The following GLYATL1 variants were observed in gnomAD, a reference collection of about 807,000 sequenced individuals.
The protein encoded by GLYATL1 is glycine-N-acyltransferase like 1, also known as glycine N-acyltransferase-like protein 1.
Under a neutral mutation model 20.0 loss-of-function variants are expected in GLYATL1, and 15 were observed. The observed-to-expected ratio is 0.75, with a 90% CI of 0.50 to 1.15. The LOEUF is 1.15. GLYATL1 is among the 50% of genes most tolerant of loss of function. GLYATL1 has a pLI of 0.00. For synonymous variants in GLYATL1, 151 were observed against 131.5 expected (o/e 1.15, Z -1.01); for missense variants, 380 against 368.5 (o/e 1.03, Z -0.26).
chr11:58,937,750 T>C (rs1466757521), upstream of GLYATL1, among the ~76,000 whole-genome samples: 1 of 152,204 alleles, frequency 6.6e-6, no homozygotes, highest in African/African-American at 2.4e-5. Context: ...TTTCAGATTT[T>C]ATGAATAGGT....
At chr11:58,954,605 C>T (rs146034907) in intron 4 of GLYATL1, among the ~76,000 whole-genome samples, 165 bp from the exon 5 acceptor site, 22 of 152,202 alleles carry the variant, frequency 1.4e-4, no homozygotes, top group South Asian at 8.3e-4. Flanking sequence ...AAGAGGTCAG[C>T]GGTAGCTTAT....
chr11:58,910,786 T>C (rs914891683), downstream of GLYATL1, among the ~76,000 whole-genome samples: 1 of 152,218 alleles, frequency 6.6e-6, no homozygotes, highest in African/African-American at 2.4e-5. Flanking sequence ...TGAAAGACTT[T>C]AACTTTTATT....
intron 1 of GLYATL1, among the ~76,000 whole-genome samples, chr11:58,920,543 G>T (rs1380826331): frequency 6.6e-6 from 1 of 152,022 alleles, no homozygotes; most frequent in Non-Finnish European, 1.5e-5. Context: ...TCAATGTCCG[G>T]GTCTCCGAGG....
chr11:58,948,235 G>A (rs1274604715), intron 4 of GLYATL1, among the ~76,000 whole-genome samples: 1 of 152,144 alleles, frequency 6.6e-6, no homozygotes, highest in African/African-American at 2.4e-5. Flanking sequence ...GAGGTGGCAG[G>A]GGTCACCTGC....
At chr11:58,932,603 C>T (rs558645772) in intron 1 of GLYATL1, among the ~76,000 whole-genome samples, 3 of 152,212 alleles carry the variant, frequency 2.0e-5, no homozygotes, top group South Asian at 4.1e-4. Flanking sequence ...TGTGCATAAG[C>T]AGTTGATTCT....
downstream of GLYATL1, among the ~76,000 whole-genome samples, chr11:58,908,981 T>C (rs1854975077): frequency 6.6e-6 from 1 of 152,186 alleles, no homozygotes; most frequent in African/African-American, 2.4e-5. Flanking sequence ...GTTGCAGAAA[T>C]AACGAACTTC....
chr11:58,954,718 A>T, intron 4 of GLYATL1, 52 bp from the exon 5 acceptor site: 1 of 1,502,204 alleles, frequency 6.7e-7, no homozygotes, highest in East Asian at 2.3e-5. Flanking sequence ...AACCAGTGAG[A>T]GGTGAAGAAA....
At chr11:58,926,514 G>A (rs1855432256), upstream of GLYATL1, among the ~76,000 whole-genome samples, 1 of 152,174 alleles carries the variant, frequency 6.6e-6, no homozygotes. Context: ...AGTAACCTGA[G>A]CTCTTTGAGT....
intron 1 of GLYATL1, 114 bp from the exon 2 acceptor site, chr11:58,943,429 C>T (rs1324725664): frequency 1.3e-6 from 2 of 1,527,540 alleles, no homozygotes; most frequent in Admixed American, 2.1e-5. Flanking sequence ...CACGAGGCAC[C>T]CCCGGAGCCT....
rs776658060 is a variant in GLYATL1, at chr11:58,955,201, G to A, written c.339G>A (p.Gly113=). The A allele has an allele frequency of 1.5e-5, 24 of 1,613,818 alleles. 1 individual carries two copies. In the South Asian group the frequency reaches 2.4e-4, roughly 16 times the overall value. The change falls in exon 6 of 7, where the codon GGG becomes GGA. Residue 113 remains glycine, a synonymous_variant. Coordinates refer to ENST00000532726, the MANE Select transcript of GLYATL1 (RefSeq NM_001389712.2). ...GTCTTCAAGAAAGTTTAGGTGAGGGGATAAGAGTGGCTACATTTTCAAAGT... is the reference window on the plus strand; with the variant it reads ...GTCTTCAAGAAAGTTTAGGTGAGGGAATAAGAGTGGCTACATTTTCAAAGT... ...IQGLQESLGE[G]IRVATFSKSV...
At chr11:58,916,219 C>T (rs1465745532) in intron 1 of GLYATL1, among the ~76,000 whole-genome samples, 1 of 152,184 alleles carries the variant, frequency 6.6e-6, no homozygotes, top group Non-Finnish European at 1.5e-5. Context: ...GGTGACTTTT[C>T]TGTAGTGCCT....
chr11:58,954,154 G>A (rs758641977), intron 4 of GLYATL1, among the ~76,000 whole-genome samples: 12 of 152,194 alleles, frequency 7.9e-5, no homozygotes, highest in African/African-American at 2.4e-4. Context: ...CCTGGACACC[G>A]TAGATTCTAG....
chr11:58,906,180 A>T (rs1340159044), intron 1 of GLYATL1, among the ~76,000 whole-genome samples: 1 of 152,172 alleles, frequency 6.6e-6, no homozygotes, highest in Non-Finnish European at 1.5e-5. Context: ...AGTAGACAGA[A>T]GGATCTCAGC....
In GLYATL1 at chr11:58,908,449, A is replaced by G. The variant is rs1355740359; in HGVS notation, n.1447A>G. 5 of 182,756 alleles carry G rather than the reference A, an allele frequency of 2.7e-5. No individual in the cohort carries two copies. The East Asian group carries it at 6.9e-4, about 25-fold the overall frequency. 11.3% of individuals were successfully genotyped at this position (182,756 alleles called of 1,614,324 possible). On this transcript the variant is annotated non_coding_transcript_exon_variant, in exon 2 of 2. Coordinates refer to the GLYATL1 transcript ENST00000524629. ...TTTTCCACTAGTAGAAGTTAGTTATATTGTCTTTGAACTCATCATGAATTC... is the reference window on the plus strand; with the variant it reads ...TTTTCCACTAGTAGAAGTTAGTTATGTTGTCTTTGAACTCATCATGAATTC...
At chr11:58,907,248 G>T (rs1184797665) in exon 2 of GLYATL1, 1 of 456,116 alleles carries the variant, frequency 2.2e-6, no homozygotes, top group East Asian at 6.9e-5. Flanking sequence ...CAGGTCACCC[G>T]CCAGGTTTGT....
In GLYATL1 at chr11:58,943,604, A is replaced by G; in HGVS notation, c.-105A>G. The G allele has an allele frequency of 6.2e-7, 1 of 1,613,636 alleles. No homozygotes were observed. The highest frequency in any genetic ancestry group is 8.5e-7 in the Non-Finnish European group (1 of 1,179,588). On this transcript the variant is annotated 5_prime_UTR_variant, in exon 2 of 7. Coordinates refer to ENST00000532726, the MANE Select transcript of GLYATL1 (RefSeq NM_001389712.2). ...GTATCCCCAGGAGCGCGAAGTGAAC[A>G]CGGAAGGTACCTGCAGGATCCAATT...
At chr11:58,949,233 C>T (rs1333949385) in intron 4 of GLYATL1, among the ~76,000 whole-genome samples, 1 of 152,102 alleles carries the variant, frequency 6.6e-6, no homozygotes, top group Non-Finnish European at 1.5e-5. Context: ...TAGGTGTAAA[C>T]GCTGAGCCCC....
chr11:58,928,902 G>C (rs72915178), intron 1 of GLYATL1, among the ~76,000 whole-genome samples: 1 of 152,170 alleles, frequency 6.6e-6, no homozygotes, highest in Non-Finnish European at 1.5e-5. Context: ...TGTCTCAAAG[G>C]TTACTTAATG....
At chr11:58,951,556 G>A (rs2135255287) in intron 4 of GLYATL1, among the ~76,000 whole-genome samples, 1 of 152,094 alleles carries the variant, frequency 6.6e-6, no homozygotes, top group East Asian at 1.9e-4. Context: ...AACTATTCGA[G>A]TTGTGATTGG....
Sources: gnomAD v4.1 joint callset for allele counts (sites outside exome capture counted in the v4.1 genomes callset) on GRCh38, gnomAD v4.1.1 for gene constraint, MANE v1.5 for transcripts, NCBI Gene and HGNC (gene_info 2026-07-23, HGNC 2026-07-21) for gene names.